CSTPP1: variants seen among roughly 807,000 people sequenced by gnomAD.
The protein encoded by CSTPP1 is centriolar satellite-associated tubulin polyglutamylase complex regulator 1.
the CSTPP1 span, among the ~76,000 whole-genome samples, chr11:47,101,178 T>A: frequency 2.1e-5 from 2 of 93,064 alleles, no homozygotes; most frequent in East Asian, 2.3e-4. Context: ...TTTTTTTTTT[T>A]TTTTTTTTTT....
chr11:47,109,541 G>T, the CSTPP1 span, among the ~76,000 whole-genome samples: 1 of 152,194 alleles, frequency 6.6e-6, no homozygotes, highest in African/African-American at 2.4e-5. Context: ...AATTCTCTCT[G>T]CTTCACTGCT....
At chr11:47,103,257 T>C in the CSTPP1 span, among the ~76,000 whole-genome samples, 1 of 151,782 alleles carries the variant, frequency 6.6e-6, no homozygotes, top group Non-Finnish European at 1.5e-5. Flanking sequence ...AAAATTATCC[T>C]GGTGTGGTGG....
At chr11:46,975,713 A>G in the CSTPP1 span, among the ~76,000 whole-genome samples, 1 of 152,228 alleles carries the variant, frequency 6.6e-6, no homozygotes, top group Admixed American at 6.5e-5. Context: ...TTGAATCAAG[A>G]GGAGAAAAAA....
At chr11:47,043,481 C>A in the CSTPP1 span, among the ~76,000 whole-genome samples, 3 of 152,080 alleles carry the variant, frequency 2.0e-5, no homozygotes, top group African/African-American at 7.2e-5. Flanking sequence ...TGTATGATAT[C>A]CCTAATATCA....
the CSTPP1 span, among the ~76,000 whole-genome samples, chr11:46,966,445 AT>A: frequency 1.3e-5 from 2 of 152,050 alleles, no homozygotes; most frequent in African/African-American, 4.8e-5. Context: ...CAAAATTTTA[AT>A]TTTTCATGTG....
the CSTPP1 span, among the ~76,000 whole-genome samples, chr11:46,983,011 G>A: frequency 6.6e-6 from 1 of 152,118 alleles, no homozygotes; most frequent in African/African-American, 2.4e-5. Flanking sequence ...TCATATCCAG[G>A]TTCAGTTGGC....
the CSTPP1 span, among the ~76,000 whole-genome samples, chr11:46,977,695 A>G: frequency 2.5e-3 from 378 of 152,370 alleles, 1 homozygote; most frequent in Middle Eastern, 6.8e-3. Flanking sequence ...AAAGAAAAAA[A>G]GAAAATAGTT....
the CSTPP1 span, among the ~76,000 whole-genome samples, chr11:46,980,896 T>C: frequency 3.0e-4 from 46 of 152,112 alleles, no homozygotes; most frequent in Non-Finnish European, 5.1e-4. Context: ...TTTCTAACTA[T>C]TAAATCGGCA....
the CSTPP1 span, among the ~76,000 whole-genome samples, chr11:47,130,305 G>A: frequency 6.6e-6 from 1 of 151,958 alleles, no homozygotes; most frequent in African/African-American, 2.4e-5. Context: ...GCCCCCATTG[G>A]AACACACTGA....
At chr11:46,942,640 G>A in the CSTPP1 span, among the ~76,000 whole-genome samples, 1 of 151,984 alleles carries the variant, frequency 6.6e-6, no homozygotes, top group Non-Finnish European at 1.5e-5. Context: ...AATAAATTGG[G>A]TAGTTTTTTT....
the CSTPP1 span, among the ~76,000 whole-genome samples, chr11:46,983,981 GA>G: frequency 6.6e-6 from 1 of 152,190 alleles, no homozygotes; most frequent in African/African-American, 2.4e-5. Context: ...TTCTTTTCAA[GA>G]AACTTTCAAA....
At chr11:47,032,586 C>T in the CSTPP1 span, among the ~76,000 whole-genome samples, 3 of 152,010 alleles carry the variant, frequency 2.0e-5, no homozygotes, top group Non-Finnish European at 4.4e-5. Context: ...ATTTTTTTAA[C>T]TTTCATGTCA....
the CSTPP1 span, among the ~76,000 whole-genome samples, chr11:46,953,656 A>G: frequency 6.6e-6 from 1 of 152,258 alleles, no homozygotes; most frequent in African/African-American, 2.4e-5. Flanking sequence ...TATATGTATA[A>G]AACAATATAA....
At chr11:46,941,164 C>T in the CSTPP1 span, among the ~76,000 whole-genome samples, 2 of 152,190 alleles carry the variant, frequency 1.3e-5, no homozygotes, top group Admixed American at 1.3e-4. Flanking sequence ...TTGTCCTAAC[C>T]ACTAACTAGA....
chr11:47,110,453 T>C, the CSTPP1 span, among the ~76,000 whole-genome samples: 1 of 152,372 alleles, frequency 6.6e-6, no homozygotes, highest in South Asian at 2.1e-4. Context: ...ATAATGGTCT[T>C]AATTACAAAT....
the CSTPP1 span, among the ~76,000 whole-genome samples, chr11:46,995,973 C>A: frequency 6.6e-6 from 1 of 152,058 alleles, no homozygotes; most frequent in Non-Finnish European, 1.5e-5. Flanking sequence ...GTATTGGGTG[C>A]GTATATATTT....
the CSTPP1 span, chr11:47,137,232 G>T: frequency 8.0e-7 from 1 of 1,251,430 alleles, no homozygotes; most frequent in South Asian, 1.3e-5. Context: ...TCTGTGGATG[G>T]TCTTTGGGCA....
At chr11:47,077,224 A>T in the CSTPP1 span, among the ~76,000 whole-genome samples, 1 of 145,818 alleles carries the variant, frequency 6.9e-6, no homozygotes, top group East Asian at 2.1e-4. Context: ...TTTTAGACAG[A>T]GTCTTGCTCT....
chr11:47,110,470 C>G, the CSTPP1 span, among the ~76,000 whole-genome samples: 1,070 of 152,296 alleles, frequency 7.0e-3, 7 homozygotes, highest in Non-Finnish European at 0.011. Flanking sequence ...AAATTGAATA[C>G]GTTAAGTCAA....
Sources: gnomAD v4.1 joint callset for allele counts (sites outside exome capture counted in the v4.1 genomes callset) on GRCh38, gnomAD v4.1.1 for gene constraint, MANE v1.5 for transcripts, NCBI Gene and HGNC (gene_info 2026-07-23, HGNC 2026-07-21) for gene names.